Variants in ALKBH8 observed in about 807,000 individuals in gnomAD.
ALKBH8 encodes alkB homolog 8, tRNA methyltransferase.
ALKBH8 carries 36 observed loss-of-function variants against 59.8 expected under a neutral mutation model. The observed-to-expected ratio is 0.60, with a 90% CI of 0.46 to 0.79. The LOEUF (loss-of-function observed/expected upper bound fraction) is 0.79. ALKBH8 is among the 30% of genes least tolerant of loss of function. The pLI is 0.00. For missense variants in ALKBH8, 768 were observed against 801.0 expected, an observed-to-expected ratio of 0.96 and a Z score of 0.50; for synonymous variants, 276 against 273.6, an observed-to-expected ratio of 1.01 and a Z score of -0.09.
rs140399474 is a variant in ALKBH8 at position 107,520,224 on chromosome 11, C to G, written c.1287+2075G>C. On this transcript the variant is annotated intron_variant, in intron 10 of 11. Transcript: ENST00000428149. The stretch of plus-strand genomic sequence containing the variant: ...TAATTAGTAAGCTTCTACCATGTGC[C>G]AAGTACCGTATGCCTGGAAATCAGG... Among the ~76,000 whole-genome samples the G allele has an allele frequency of 9.7e-4, 147 of 152,306 alleles. 3 individuals carry two copies. In the East Asian group the frequency reaches 0.024, roughly 25 times the overall value.
intron 7 of ALKBH8, among the ~76,000 whole-genome samples, chr11:107,542,834 T>C (rs776408012): frequency 6.6e-6 from 1 of 152,082 alleles, no homozygotes; most frequent in Non-Finnish European, 1.5e-5. Flanking sequence ...TGCTTGAGAC[T>C]GGGAGGTCGA....
At chr11:107,536,651 T>C (rs1014487595) in intron 7 of ALKBH8, among the ~76,000 whole-genome samples, 1 of 152,138 alleles carries the variant, frequency 6.6e-6, no homozygotes, top group Admixed American at 6.5e-5. Context: ...GAGGGAACCC[T>C]GAATGAAAGG....
intron 5 of ALKBH8, 50 bp from the exon 6 acceptor site, chr11:107,551,962 GT>G: frequency 9.1e-7 from 1 of 1,098,702 alleles, no homozygotes. Flanking sequence ...TACTTTGCTT[GT>G]TTTACTCAAC....
chr11:107,527,158 C>T (rs957685106), intron 8 of ALKBH8, among the ~76,000 whole-genome samples: 4 of 151,798 alleles, frequency 2.6e-5, no homozygotes, highest in Non-Finnish European at 4.4e-5. Context: ...ATATATTAAC[C>T]ACATTAAGTT....
chr11:107,554,090 G>C, intron 3 of ALKBH8, 112 bp from the exon 4 acceptor site: 2 of 1,358,666 alleles, frequency 1.5e-6, no homozygotes, highest in South Asian at 2.7e-5. Context: ...CCTCATTTTC[G>C]GAAACAAGAT....
chr11:107,505,285 A>AT, intron 11 of ALKBH8, 70 bp from the exon 12 acceptor site: 3 of 1,218,796 alleles, frequency 2.5e-6, no homozygotes, highest in Non-Finnish European at 2.2e-6. Flanking sequence ...AACTGACCAT[A>AT]GGACTGTTTT....
At chr11:107,557,968 C>T (rs76418395) in intron 2 of ALKBH8, among the ~76,000 whole-genome samples, 10,181 of 152,096 alleles carry the variant, frequency 0.067, 500 homozygotes, top group Admixed American at 0.15. Context: ...TCATTTATAC[C>T]AGGTGTTGAT....
At chr11:107,518,079 AAT>A (rs72036182) in intron 10 of ALKBH8, among the ~76,000 whole-genome samples, 29,682 of 152,106 alleles carry the variant, frequency 0.2, 3,656 homozygotes, top group South Asian at 0.37. Flanking sequence ...TTAAAAATAA[AAT>A]ACAGAAAAAA....
intron 11 of ALKBH8, among the ~76,000 whole-genome samples, chr11:107,505,731 G>A (rs1305289254): frequency 6.6e-6 from 1 of 152,236 alleles, no homozygotes; most frequent in African/African-American, 2.4e-5. Flanking sequence ...TTGAAGGGCT[G>A]TAATCCCTGA....
chr11:107,556,742 T>TA (rs776849487), intron 3 of ALKBH8, 24 bp downstream of exon 3: 1 of 1,302,300 alleles, frequency 7.7e-7, no homozygotes, highest in South Asian at 2.9e-5. Flanking sequence ...AATCATTTTT[T>TA]AAAAGATAAT....
intron 2 of ALKBH8, among the ~76,000 whole-genome samples, chr11:107,558,860 T>C (rs1431725613): frequency 1.3e-5 from 2 of 152,200 alleles, no homozygotes; most frequent in Non-Finnish European, 2.9e-5. Context: ...TTGAGGATCA[T>C]TGCTCTAGAA....
intron 1 of ALKBH8, among the ~76,000 whole-genome samples, chr11:107,564,554 G>A (rs1412274964): frequency 6.6e-6 from 1 of 152,042 alleles, no homozygotes; most frequent in East Asian, 1.9e-4. Context: ...GAAGGAAAAT[G>A]GATCGATGAG....
intron 7 of ALKBH8, among the ~76,000 whole-genome samples, chr11:107,536,520 T>A (rs1230443329): frequency 6.6e-6 from 1 of 152,110 alleles, no homozygotes; most frequent in African/African-American, 2.4e-5. Context: ...TATAATAGCA[T>A]AAACAAAGGT....
intron 7 of ALKBH8, among the ~76,000 whole-genome samples, chr11:107,544,517 C>T (rs1481388910): frequency 1.3e-5 from 2 of 152,028 alleles, no homozygotes; most frequent in Admixed American, 1.3e-4. Context: ...ACTTAAGTTA[C>T]TAAGGAAAGT....
At chr11:107,505,433 A>G (rs1862342936) in intron 11 of ALKBH8, among the ~76,000 whole-genome samples, 1 of 152,150 alleles carries the variant, frequency 6.6e-6, no homozygotes, top group African/African-American at 2.4e-5. Flanking sequence ...AGCAAAATTT[A>G]TTTCTGTTAA....
chr11:107,542,630 C>G (rs1484889200), intron 7 of ALKBH8, among the ~76,000 whole-genome samples: 1 of 152,132 alleles, frequency 6.6e-6, no homozygotes, highest in Non-Finnish European at 1.5e-5. Context: ...TGACACCAAC[C>G]AGGTGCAATG....
intron 3 of ALKBH8, among the ~76,000 whole-genome samples, chr11:107,555,930 C>G (rs1864687623): frequency 6.6e-6 from 1 of 152,198 alleles, no homozygotes. Context: ...CTGGGCAGCA[C>G]AGACAGGAAC....
intron 10 of ALKBH8, among the ~76,000 whole-genome samples, chr11:107,512,002 C>G (rs897117778): frequency 6.6e-6 from 1 of 152,064 alleles, no homozygotes. Context: ...CCCAAACAAT[C>G]CTACAGGATT....
chr11:107,514,360 A>C (rs1334695528), intron 10 of ALKBH8, among the ~76,000 whole-genome samples: 1 of 152,218 alleles, frequency 6.6e-6, no homozygotes, highest in East Asian at 1.9e-4. Flanking sequence ...ACATTGCCAT[A>C]CTAGTCATAC....
Sources: gnomAD v4.1 joint callset for allele counts (sites outside exome capture counted in the v4.1 genomes callset) on GRCh38, gnomAD v4.1.1 for gene constraint, MANE v1.5 for transcripts, NCBI Gene and HGNC (gene_info 2026-07-23, HGNC 2026-07-21) for gene names.